REV3L: variants seen among roughly 807,000 people sequenced by gnomAD.
The protein encoded by REV3L is DNA polymerase zeta catalytic subunit.
A neutral mutation model predicts 299.4 loss-of-function variants in REV3L; 69 were observed. The ratio of observed to expected loss-of-function variants is 0.23; its 90% CI spans 0.19 to 0.28. The LOEUF (loss-of-function observed/expected upper bound fraction) is 0.28. REV3L is among the 10% of genes least tolerant of loss of function. The pLI, the probability that REV3L is intolerant of heterozygous loss-of-function variation, is 1.00. For synonymous variants in REV3L, 1,238 were observed against 1,271.4 expected (o/e 0.97, Z 0.56); for missense variants, 3,128 against 3,693.8 (o/e 0.85, Z 3.97).
At chr6:111,311,633 G>A (rs1772988299) in intron 28 of REV3L, 1 of 154,272 alleles carries the variant, frequency 6.5e-6, no homozygotes, top group Admixed American at 6.5e-5. Context: ...AGTATAGAAA[G>A]GGTCCTGATT....
chr6:111,436,483 G>GTT (rs1464487473), intron 1 of REV3L, among the ~76,000 whole-genome samples: 1 of 152,088 alleles, frequency 6.6e-6, no homozygotes, highest in Non-Finnish European at 1.5e-5. Context: ...TTGCAGCAAC[G>GTT]TAAGTGAAAC....
At chr6:111,467,911 TCACA>T (rs1791702772) in intron 1 of REV3L, among the ~76,000 whole-genome samples, 1 of 151,912 alleles carries the variant, frequency 6.6e-6, no homozygotes, top group African/African-American at 2.4e-5. Flanking sequence ...TTTATACACA[TCACA>T]CACACAAACA....
At chr6:111,394,672 T>C (rs983240128) in intron 4 of REV3L, among the ~76,000 whole-genome samples, 1 of 151,780 alleles carries the variant, frequency 6.6e-6, no homozygotes, top group Admixed American at 6.6e-5. Context: ...TAAAATTTTT[T>C]CCCAGACCAA....
intron 9 of REV3L, among the ~76,000 whole-genome samples, chr6:111,383,554 A>G (rs999308891): frequency 2.6e-5 from 4 of 152,226 alleles, no homozygotes; most frequent in African/African-American, 9.6e-5. Context: ...TAACCAAGTA[A>G]GTGAAACATC....
intron 9 of REV3L, among the ~76,000 whole-genome samples, chr6:111,386,336 T>C (rs1006887866): frequency 6.6e-6 from 1 of 152,196 alleles, no homozygotes; most frequent in Non-Finnish European, 1.5e-5. Flanking sequence ...AGTTATAATG[T>C]TGACATAAAG....
intron 1 of REV3L, among the ~76,000 whole-genome samples, chr6:111,419,592 C>T (rs1785100559): frequency 6.6e-6 from 1 of 152,136 alleles, no homozygotes; most frequent in Non-Finnish European, 1.5e-5. Context: ...TGAGAAAATG[C>T]CCCCAAATCA....
At chr6:111,359,398 A>G (rs982532090) in intron 16 of REV3L, among the ~76,000 whole-genome samples, 1 of 152,044 alleles carries the variant, frequency 6.6e-6, no homozygotes, top group Non-Finnish European at 1.5e-5. Flanking sequence ...CCTGTAGTTT[A>G]AAGTAAAAAG....
At chr6:111,409,295 C>T (rs867095326) in intron 3 of REV3L, among the ~76,000 whole-genome samples, 3 of 150,448 alleles carry the variant, frequency 2.0e-5, no homozygotes, top group Middle Eastern at 3.5e-3. Context: ...GATATATAAC[C>T]AAGGGTCAAA....
intron 1 of REV3L, among the ~76,000 whole-genome samples, chr6:111,420,949 G>A (rs1785273635): frequency 6.6e-6 from 1 of 152,038 alleles, no homozygotes; most frequent in Admixed American, 6.5e-5. Flanking sequence ...GACCATCCTG[G>A]CCAACATGGT....
intron 14 of REV3L, among the ~76,000 whole-genome samples, chr6:111,366,303 G>GAT (rs1211756640): frequency 6.6e-6 from 1 of 152,104 alleles, no homozygotes; most frequent in Non-Finnish European, 1.5e-5. Context: ...TAGGTAGTTG[G>GAT]ATATAGTGTT....
At chr6:111,392,440 AATTAT>A (rs1782029976) in intron 5 of REV3L, among the ~76,000 whole-genome samples, 2 of 152,316 alleles carry the variant, frequency 1.3e-5, no homozygotes, top group East Asian at 3.9e-4. Flanking sequence ...ATAAATTACA[AATTAT>A]ATTATTCAAA....
At chr6:111,353,922 TTTGAG>T (rs1777825662) in intron 18 of REV3L, 8 of 152,196 alleles carry the variant, frequency 5.3e-5, no homozygotes, top group Admixed American at 2.6e-4. Flanking sequence ...AATGGCTACA[TTTGAG>T]AATTGGGGCA....
At chr6:111,340,063 G>A (rs1776333004) in intron 21 of REV3L, among the ~76,000 whole-genome samples, 1 of 152,066 alleles carries the variant, frequency 6.6e-6, no homozygotes, top group Admixed American at 6.6e-5. Context: ...CTGAAGGCAT[G>A]GATATTTTTC....
intron 23 of REV3L, 52 bp downstream of exon 23, chr6:111,333,071 G>T: frequency 2.5e-6 from 4 of 1,589,812 alleles, no homozygotes; most frequent in Non-Finnish European, 3.4e-6. Flanking sequence ...TCTAATTTTA[G>T]TAAGAAGTAC....
chr6:111,450,509 A>T (rs952084274), intron 1 of REV3L, among the ~76,000 whole-genome samples: 9 of 148,612 alleles, frequency 6.1e-5, no homozygotes, highest in African/African-American at 2.2e-4. Context: ...AAAAAAAACC[A>T]AAAAACATTA....
chr6:111,482,332 G>C (rs1283924280), intron 1 of REV3L, among the ~76,000 whole-genome samples: 1 of 152,192 alleles, frequency 6.6e-6, no homozygotes, highest in Non-Finnish European at 1.5e-5. Context: ...GCACTTGGGG[G>C]ACACAAGGGA....
Position 111,421,711 on chromosome 6 carries a change from T to C in REV3L, c.140-5239A>G, listed in dbSNP as rs550910079. On this transcript the variant is annotated intron_variant, in intron 1 of 31. Coordinates refer to ENST00000368802, the MANE Select transcript of REV3L (RefSeq NM_001372078.1). Reference sequence around the variant, plus strand: ...AGAAATACTCATTGTGTAATTTGCATATCCCATCTCCCAAATCTCAAATTC... The same window carrying C: ...AGAAATACTCATTGTGTAATTTGCACATCCCATCTCCCAAATCTCAAATTC... Among the ~76,000 whole-genome samples the C allele has an allele frequency of 5.9e-5, 9 of 152,262 alleles. No homozygotes were observed. In the East Asian group the frequency reaches 1.7e-3, roughly 29 times the overall value.
At chr6:111,459,408 C>T (rs982772323) in intron 1 of REV3L, among the ~76,000 whole-genome samples, 13 of 151,984 alleles carry the variant, frequency 8.6e-5, no homozygotes, top group African/African-American at 3.1e-4. Flanking sequence ...AAAACAATTG[C>T]AACAAAACCA....
intron 26 of REV3L, among the ~76,000 whole-genome samples, chr6:111,316,208 A>G (rs548804078): frequency 6.2e-4 from 93 of 150,024 alleles, no homozygotes; most frequent in African/African-American, 2.2e-3. Flanking sequence ...ACTGCACTGC[A>G]GCTTAGGACT....
Sources: allele counts gnomAD v4.1 joint callset (sites outside exome capture counted in the v4.1 genomes callset), GRCh38; gene constraint gnomAD v4.1.1; transcripts MANE v1.5; gene names NCBI Gene and HGNC (gene_info 2026-07-23, HGNC 2026-07-21).